Variants in STXBP6 observed in about 807,000 individuals in gnomAD.
The protein encoded by STXBP6 is syntaxin-binding protein 6.
A neutral mutation model predicts 26.9 loss-of-function variants in STXBP6; 21 were observed. That is an observed-to-expected ratio of 0.78 (90% CI 0.55 to 1.12). The LOEUF is 1.12. Ranked by LOEUF, STXBP6 falls within the 50% of genes most tolerant of loss-of-function variation. The pLI is 0.00. For missense variants in STXBP6, 232 were observed against 257.9 expected (o/e 0.90, Z 0.69); for synonymous variants, 97 against 92.6 (o/e 1.05, Z -0.27).
chr14:25,020,263 A>C (rs2075237522), intron 1 of STXBP6, among the ~76,000 whole-genome samples: 3 of 152,222 alleles, frequency 2.0e-5, no homozygotes, highest in Non-Finnish European at 4.4e-5. Context: ...AAGATGTTTA[A>C]ATGACTTACA....
In STXBP6 at chr14:24,812,173, T is replaced by C. The variant is rs1325014270; in HGVS notation, c.*536A>G. Reference sequence around the variant, plus strand: ...AATCTAAGACTGCTGTTTTTCCCAATAAATTCAATTGTTTTCCACAATGTA... The same window carrying C: ...AATCTAAGACTGCTGTTTTTCCCAACAAATTCAATTGTTTTCCACAATGTA... On this transcript the variant is annotated 3_prime_UTR_variant, in exon 6 of 6. Coordinates refer to ENST00000323944, the MANE Select transcript of STXBP6 (RefSeq NM_001394410.1). The C allele has an allele frequency of 6.6e-6, 1 of 151,916 alleles. No homozygotes were observed. Among genetic ancestry groups the C allele is most frequent in the Non-Finnish European group, 1.5e-5 (1 of 68,054 alleles). 9.4% of individuals were successfully genotyped at this position (151,916 alleles called of 1,614,324 possible).
chr14:24,837,622 C>A (rs1012207874), intron 4 of STXBP6, among the ~76,000 whole-genome samples: 4 of 152,116 alleles, frequency 2.6e-5, no homozygotes, highest in Admixed American at 6.5e-5. Context: ...ACCTAACATC[C>A]CAGTCAAGTT....
At position 24,809,988 on chromosome 14, in the gene STXBP6, G is replaced by A. The variant is rs906528926; in HGVS notation, c.*2721C>T. 2 of 152,068 alleles carry A rather than the reference G, an allele frequency of 1.3e-5. No individual in the cohort carries two copies. The highest frequency in any genetic ancestry group is 2.9e-5 in the Non-Finnish European group (2 of 68,004). The allele number at this position is 152,068 out of a possible 1,614,324, so 9.4% of individuals were successfully genotyped here. A position where few individuals can be genotyped will look rare whatever the true frequency, so the allele number is the denominator to read the frequency against. ...GAACTTCTTCAGAGCTTGAAAAAAG[G>A]TAACTACTGATCATGTTACATTTTA... On this transcript the variant is annotated 3_prime_UTR_variant, in exon 6 of 6. Transcript: ENST00000323944.
At chr14:24,957,875 T>C (rs534144387) in intron 2 of STXBP6, among the ~76,000 whole-genome samples, 1 of 152,340 alleles carries the variant, frequency 6.6e-6, no homozygotes, top group African/African-American at 2.4e-5. Context: ...TCTGATGAGT[T>C]ACTTTGATTC....
intron 2 of STXBP6, among the ~76,000 whole-genome samples, chr14:24,936,074 A>AT (rs1310716236): frequency 6.6e-6 from 1 of 152,254 alleles, no homozygotes; most frequent in African/African-American, 2.4e-5. Context: ...AACTTGGCTT[A>AT]TTTTTTGTGT....
intron 1 of STXBP6, among the ~76,000 whole-genome samples, chr14:25,034,661 C>T (rs1178913555): frequency 6.6e-6 from 1 of 152,134 alleles, no homozygotes; most frequent in Non-Finnish European, 1.5e-5. Flanking sequence ...TGGTTTCTGA[C>T]TCTGTAAAAC....
At chr14:24,829,883 C>T (rs4981555) in intron 4 of STXBP6, among the ~76,000 whole-genome samples, 80,949 of 151,734 alleles carry the variant, frequency 0.53, 23,407 homozygotes, top group African/African-American at 0.73. Context: ...GTAAAAAATA[C>T]GTTATAATAA....
chr14:24,942,421 G>A (rs933851654), intron 2 of STXBP6, among the ~76,000 whole-genome samples: 2 of 152,222 alleles, frequency 1.3e-5, no homozygotes, highest in African/African-American at 2.4e-5. Flanking sequence ...TTCACACACT[G>A]TGGGTGAAGC....
At position 24,858,652 on chromosome 14, in the gene STXBP6, C is replaced by A. The variant is rs561223877; in HGVS notation, c.155-1495G>T. The stretch of plus-strand genomic sequence containing the variant: ...CTCTAATTGAATTCAGGCAGTATTA[C>A]CAGTCTGCCCAGGACTCTGTCTATC... On this transcript the variant is annotated intron_variant, in intron 2 of 5. Coordinates refer to ENST00000323944, the MANE Select transcript of STXBP6 (RefSeq NM_001394410.1). Among the ~76,000 whole-genome samples, 5 of 152,206 alleles carry A rather than the reference C, an allele frequency of 3.3e-5. No individual in the cohort carries two copies. The East Asian group carries it at 9.7e-4, about 29-fold the overall frequency.
At chr14:24,866,441 G>GTATA (rs2069725496) in intron 2 of STXBP6, among the ~76,000 whole-genome samples, 1 of 152,038 alleles carries the variant, frequency 6.6e-6, no homozygotes, top group African/African-American at 2.4e-5. Flanking sequence ...GTATATGCGT[G>GTATA]TGTATATGTG....
At chr14:24,978,552 G>C (rs939107823) in intron 1 of STXBP6, among the ~76,000 whole-genome samples, 1 of 152,168 alleles carries the variant, frequency 6.6e-6, no homozygotes. Flanking sequence ...GTACACCAAT[G>C]ATCACTAGTT....
intron 2 of STXBP6, among the ~76,000 whole-genome samples, chr14:24,894,401 C>T (rs2070903325): frequency 6.6e-6 from 1 of 152,058 alleles, no homozygotes; most frequent in Non-Finnish European, 1.5e-5. Context: ...AAGGGGATGC[C>T]AGGAGGTGCT....
At chr14:24,886,710 A>G (rs1369034353) in intron 2 of STXBP6, among the ~76,000 whole-genome samples, 1 of 152,200 alleles carries the variant, frequency 6.6e-6, no homozygotes, top group African/African-American at 2.4e-5. Flanking sequence ...CTGGTATTCA[A>G]AGTAACACTC....
intron 2 of STXBP6, among the ~76,000 whole-genome samples, chr14:24,909,301 G>C (rs2071488098): frequency 1.3e-5 from 2 of 152,188 alleles, no homozygotes; most frequent in African/African-American, 4.8e-5. Flanking sequence ...GTCATGCGTG[G>C]AGCGCTTTCC....
At chr14:24,923,115 A>G (rs1047459060) in intron 2 of STXBP6, among the ~76,000 whole-genome samples, 1 of 152,140 alleles carries the variant, frequency 6.6e-6, no homozygotes, top group Non-Finnish European at 1.5e-5. Flanking sequence ...CCCTGCCTCC[A>G]TAAAAGATGA....
At chr14:24,959,152 G>A (rs879809351) in intron 2 of STXBP6, among the ~76,000 whole-genome samples, 4 of 152,318 alleles carry the variant, frequency 2.6e-5, no homozygotes, top group South Asian at 2.1e-4. Context: ...ATCTCTTCAA[G>A]GGAAGGGGTT....
intron 4 of STXBP6, among the ~76,000 whole-genome samples, chr14:24,826,302 T>G (rs1566384035): frequency 6.6e-6 from 1 of 152,192 alleles, no homozygotes; most frequent in Non-Finnish European, 1.5e-5. Flanking sequence ...ATTGGTCTAG[T>G]ATCTATCTCA....
intron 1 of STXBP6, among the ~76,000 whole-genome samples, chr14:24,995,136 G>A (rs2074570286): frequency 6.6e-6 from 1 of 151,956 alleles, no homozygotes; most frequent in African/African-American, 2.4e-5. Context: ...CAGCAGATTT[G>A]CTGTCTGACA....
chr14:24,882,370 C>T (rs1275172731), intron 2 of STXBP6, among the ~76,000 whole-genome samples: 1 of 53,024 alleles, frequency 1.9e-5, no homozygotes, highest in African/African-American at 7.1e-5. Flanking sequence ...CAGAGCGAGA[C>T]TCCGTCTCAA....
Sources: gnomAD v4.1 joint callset for allele counts (sites outside exome capture counted in the v4.1 genomes callset) on GRCh38, gnomAD v4.1.1 for gene constraint, MANE v1.5 for transcripts, NCBI Gene and HGNC (gene_info 2026-07-23, HGNC 2026-07-21) for gene names.